The following ADAMTS3 variants were observed in gnomAD, a reference collection of about 807,000 sequenced individuals.
The protein encoded by ADAMTS3 is ADAM metallopeptidase with thrombospondin type 1 motif 3, also known as A disintegrin and metalloproteinase with thrombospondin motifs 3.
Under a neutral mutation model 129.0 loss-of-function variants are expected in ADAMTS3, and 73 were observed. The observed-to-expected ratio is 0.57, with a 90% CI of 0.47 to 0.69. ADAMTS3 has a LOEUF of 0.69. Among genes scored for constraint, ADAMTS3 ranks in the 30% least tolerant of loss-of-function variants. The probability of loss-of-function intolerance (pLI) is 0.00; values close to 1 mark genes in which losing one functional copy is unlikely to be tolerated. For synonymous variants in ADAMTS3, 477 were observed against 510.8 expected (o/e 0.93, Z 0.89); for missense variants, 1,457 against 1,514.5 (o/e 0.96, Z 0.63).
At chr4:72,519,612 T>C (rs1305762658) in intron 3 of ADAMTS3, among the ~76,000 whole-genome samples, 1 of 152,210 alleles carries the variant, frequency 6.6e-6, no homozygotes, top group Non-Finnish European at 1.5e-5. Context: ...TGATACCCTT[T>C]CTTCCAGTTG....
chr4:72,565,608 A>C (rs1389185448), intron 2 of ADAMTS3, among the ~76,000 whole-genome samples: 1 of 152,198 alleles, frequency 6.6e-6, no homozygotes, highest in Non-Finnish European at 1.5e-5. Context: ...AACGATAAAT[A>C]AGAATGGTAA....
chr4:72,451,533 A>T (rs551441024), intron 3 of ADAMTS3, among the ~76,000 whole-genome samples: 64 of 151,948 alleles, frequency 4.2e-4, no homozygotes, highest in Admixed American at 1.1e-3. Context: ...TTTAGAAAGA[A>T]GGCCAGCTCC....
At position 72,524,604 on chromosome 4, in the gene ADAMTS3, C is replaced by T. The variant is rs1260239113; in HGVS notation, c.504+23874G>A. Among the ~76,000 whole-genome samples, 7 of 152,036 alleles carry T rather than the reference C, an allele frequency of 4.6e-5. No individual in the cohort carries two copies. In the East Asian group the frequency reaches 1.4e-3, roughly 29 times the overall value. On this transcript the variant is annotated intron_variant, in intron 3 of 21. Transcript: ENST00000286657. ...CATTTTACTAATGAGGAAACAGAGACTTAGAATGATTTTATAGCCGGTATG... is the reference window on the plus strand; with the variant it reads ...CATTTTACTAATGAGGAAACAGAGATTTAGAATGATTTTATAGCCGGTATG...
intron 3 of ADAMTS3, among the ~76,000 whole-genome samples, chr4:72,447,575 T>G (rs1718292023): frequency 6.6e-6 from 1 of 151,780 alleles, no homozygotes; most frequent in Non-Finnish European, 1.5e-5. Context: ...ATGTAAAAAT[T>G]ACTTAAGATT....
At chr4:72,560,796 C>T (rs562420244) in intron 2 of ADAMTS3, among the ~76,000 whole-genome samples, 1 of 152,144 alleles carries the variant, frequency 6.6e-6, no homozygotes, top group Non-Finnish European at 1.5e-5. Flanking sequence ...CACACGTTTA[C>T]CTATGTAACA....
intron 4 of ADAMTS3, among the ~76,000 whole-genome samples, chr4:72,373,681 T>C (rs1721068294): frequency 6.6e-6 from 1 of 152,022 alleles, no homozygotes; most frequent in African/African-American, 2.4e-5. Context: ...GGTGGATCAC[T>C]TGGACCCAGA....
At chr4:72,511,523 A>G (rs1007324157) in intron 3 of ADAMTS3, among the ~76,000 whole-genome samples, 1 of 152,238 alleles carries the variant, frequency 6.6e-6, no homozygotes, top group Non-Finnish European at 1.5e-5. Context: ...CGTGCTCAAC[A>G]TCACTGATCA....
intron 3 of ADAMTS3, among the ~76,000 whole-genome samples, chr4:72,542,741 G>C (rs1055165232): frequency 2.0e-5 from 3 of 152,128 alleles, no homozygotes; most frequent in Admixed American, 6.5e-5. Context: ...GATTGGGATA[G>C]ACAAAAAGTG....
rs1722428554 is a variant in ADAMTS3, at chr4:72,420,936, A to G, written c.505-5965T>C. Among the ~76,000 whole-genome samples the G allele has an allele frequency of 5.7e-5, 8 of 139,492 alleles. No individual in the cohort carries two copies. In the South Asian group the frequency reaches 1.5e-3, roughly 26 times the overall value. 91.5% of individuals were successfully genotyped at this position (139,492 alleles called of 152,430 possible). The stretch of plus-strand genomic sequence containing the variant: ...GGAGAAATACAGAATTGTAATTAAG[A>G]AAAAAAAAAGTCATAACCGCAATGG... On this transcript the variant is annotated intron_variant, in intron 3 of 21. Coordinates refer to ENST00000286657, the MANE Select transcript of ADAMTS3 (RefSeq NM_014243.3).
At chr4:72,512,641 G>T (rs1720346391) in intron 3 of ADAMTS3, among the ~76,000 whole-genome samples, 1 of 152,166 alleles carries the variant, frequency 6.6e-6, no homozygotes, top group Non-Finnish European at 1.5e-5. Context: ...AATGCTTGAA[G>T]GGATGGAGAA....
intron 3 of ADAMTS3, among the ~76,000 whole-genome samples, chr4:72,466,113 T>G (rs1295650024): frequency 6.6e-6 from 1 of 152,086 alleles, no homozygotes; most frequent in Non-Finnish European, 1.5e-5. Context: ...AATGTGATAA[T>G]GCAAGATGCC....
intron 3 of ADAMTS3, among the ~76,000 whole-genome samples, chr4:72,448,592 T>C (rs1234232189): frequency 3.3e-5 from 5 of 151,748 alleles, no homozygotes; most frequent in African/African-American, 9.7e-5. Context: ...TAAAAATTTA[T>C]ATGGCATTAT....
intron 2 of ADAMTS3, among the ~76,000 whole-genome samples, chr4:72,554,381 T>C (rs1182467324): frequency 6.6e-6 from 1 of 152,188 alleles, no homozygotes; most frequent in Non-Finnish European, 1.5e-5. Flanking sequence ...ACCCTGCAAA[T>C]AGTAAACCCT....
intron 17 of ADAMTS3, among the ~76,000 whole-genome samples, chr4:72,303,255 G>C (rs1718997948): frequency 6.6e-6 from 1 of 151,992 alleles, no homozygotes; most frequent in South Asian, 2.1e-4. Flanking sequence ...GGCCCCACTT[G>C]CAAACCAGCT....
At chr4:72,419,570 C>T (rs1190771493) in intron 3 of ADAMTS3, among the ~76,000 whole-genome samples, 1 of 152,142 alleles carries the variant, frequency 6.6e-6, no homozygotes, top group Non-Finnish European at 1.5e-5. Context: ...TTGAATGCAG[C>T]CCAACACAAA....
chr4:72,398,796 A>G (rs942017928), intron 4 of ADAMTS3, among the ~76,000 whole-genome samples: 18 of 152,154 alleles, frequency 1.2e-4, no homozygotes, highest in African/African-American at 3.6e-4. Flanking sequence ...GGAGGACCCC[A>G]CAAACTACCT....
intron 4 of ADAMTS3, among the ~76,000 whole-genome samples, chr4:72,356,259 GT>G (rs1278843678): frequency 1.3e-5 from 2 of 151,788 alleles, no homozygotes; most frequent in Non-Finnish European, 2.9e-5. Flanking sequence ...GTTTCTAACA[GT>G]ATTGGAAGTG....
intron 3 of ADAMTS3, among the ~76,000 whole-genome samples, chr4:72,429,967 T>C (rs1420048553): frequency 1.3e-5 from 2 of 152,172 alleles, no homozygotes; most frequent in East Asian, 3.9e-4. Context: ...TCAGTATTCC[T>C]AATAAATGCC....
intron 4 of ADAMTS3, among the ~76,000 whole-genome samples, chr4:72,360,789 C>T (rs1179416166): frequency 6.6e-6 from 1 of 151,948 alleles, no homozygotes; most frequent in Non-Finnish European, 1.5e-5. Context: ...AATATTTATA[C>T]TAATAAATAT....
Sources: allele counts gnomAD v4.1 joint callset (sites outside exome capture counted in the v4.1 genomes callset), GRCh38; gene constraint gnomAD v4.1.1; transcripts MANE v1.5; gene names NCBI Gene and HGNC (gene_info 2026-07-23, HGNC 2026-07-21).